Variants in PRB4 observed in about 807,000 individuals in gnomAD.
PRB4 encodes basic salivary proline-rich protein 4.
In PRB4, 14 loss-of-function variants were observed where a neutral mutation model predicts 9.1. The observed-to-expected ratio is 1.54, with a 90% CI of 1.02 to 2.41. PRB4 has a LOEUF of 2.41. Ranked by LOEUF, PRB4 falls within the 30% of genes most tolerant of loss-of-function variation. The pLI is 0.00. For synonymous variants in PRB4, 102 were observed against 108.5 expected, an observed-to-expected ratio of 0.94 and a Z score of 0.37; for missense variants, 381 against 299.3, an observed-to-expected ratio of 1.27 and a Z score of -2.02.
intron 3 of PRB4, among the ~76,000 whole-genome samples, chr12:11,307,547 AT>A (rs1384293404): frequency 2.0e-5 from 3 of 152,210 alleles, no homozygotes; most frequent in African/African-American, 7.2e-5. Flanking sequence ...AAAAAAATGT[AT>A]TTTTTAAATG....
chr12:11,309,305 A>C (rs1592189883), intron 2 of PRB4, 65 bp downstream of exon 2: 8 of 1,612,252 alleles, frequency 5.0e-6, no homozygotes, highest in Non-Finnish European at 6.8e-6. Context: ...AAGACACTGG[A>C]GAAATGATCC....
chr12:11,309,981 C>T (rs1486771135), intron 1 of PRB4, among the ~76,000 whole-genome samples: 1 of 152,192 alleles, frequency 6.6e-6, no homozygotes, highest in Admixed American at 6.5e-5. Context: ...GTCTGTACAG[C>T]AAGGCCACCA....
chr12:11,308,448 G>C lies in PRB4; in HGVS notation c.535C>G (p.Pro179Ala), dbSNP rs778492600. 6.2e-7 allele frequency: 1 copy of C among 1,613,948 alleles called. No individual in the cohort carries two copies. Among genetic ancestry groups the C allele is most frequent in the East Asian group, 2.2e-5 (1 of 44,852 alleles). ...EGNKSRSARS[P>A]PGKPQGPPQQ... ...GGTGGTCCTTGTGGCTTTCCTGGAG[G>C]AGATCGGGCACTTCGGGACTTGTTT... The change falls in exon 3 of 4, where the codon CCT becomes GCT. Residue 179 changes from proline to alanine, a missense_variant. Physicochemically the swap from Pro to Ala is conservative, Grantham distance 27. Transcript: ENST00000279575.
At chr12:11,308,994 T>G in intron 2 of PRB4, 112 bp from the exon 3 acceptor site, 2 of 1,484,282 alleles carry the variant, frequency 1.3e-6, no homozygotes, top group South Asian at 2.3e-5. Flanking sequence ...CTAATTTCTT[T>G]GCATTTTCAG....
chr12:11,310,379 G>A lies in PRB4; in HGVS notation c.20C>T (p.Ser7Leu). The change falls in exon 1 of 4, where the codon TCA (serine) becomes TTA (leucine). Residue 7 changes from serine to leucine, a missense_variant. Physicochemically the swap from Ser to Leu is moderately radical, Grantham distance 145. Transcript: ENST00000279575. Reference protein sequence around the residue: MLLILLSVALLALSSAE... With the variant: MLLILLLVALLALSSAE... ...TGAGCTCAGGGCCAGCAGGGCCACT[G>A]ACAGCAGAATCAGCAGCATCTCGCT... 1.9e-6 allele frequency: 3 copies of A among 1,614,248 alleles called. No individual in the cohort carries two copies. Among genetic ancestry groups the A allele is most frequent in the Non-Finnish European group, 1.7e-6 (2 of 1,180,040 alleles).
At chr12:11,307,713 C>T (rs2136606241) in intron 3 of PRB4, among the ~76,000 whole-genome samples, 1 of 152,148 alleles carries the variant, frequency 6.6e-6, no homozygotes, top group South Asian at 2.1e-4. Context: ...ATGTGTTATG[C>T]CTTTAAAATT....
rs533994526 is a variant in PRB4 at position 11,308,972 on chromosome 12, G to A, written c.101-90C>T. On this transcript the variant is annotated intron_variant, in intron 2 of 3. Coordinates refer to ENST00000279575, the MANE Select transcript of PRB4 (RefSeq NM_002723.6). ...GCTAAATGGGGAAATGCACAAAAATGAGACCCAGATACTAATTTCTTTGCA... is the reference window on the plus strand; with the variant it reads ...GCTAAATGGGGAAATGCACAAAAATAAGACCCAGATACTAATTTCTTTGCA... The A allele has an allele frequency of 4.6e-4, 709 of 1,541,130 alleles. 1 individual carries two copies. The highest frequency in any genetic ancestry group is 5.8e-4 in the Non-Finnish European group (641 of 1,114,522).
chr12:11,308,196 G>A, intron 3 of PRB4, 25 bp downstream of exon 3: 2 of 1,590,094 alleles, frequency 1.3e-6, no homozygotes, highest in Non-Finnish European at 1.7e-6. Flanking sequence ...TTAGAGTCCT[G>A]ATGAATAATA....
In PRB4 at chr12:11,308,387, G is replaced by C. The variant is rs1398322084; in HGVS notation, c.596C>G (p.Pro199Arg). The change falls in exon 3 of 4, where the codon CCT becomes CGT. Residue 199 changes from proline (P) to arginine (R), a missense_variant. Pro to Arg is a moderately radical substitution (Grantham distance 103). Coordinates refer to ENST00000279575, the MANE Select transcript of PRB4 (RefSeq NM_002723.6). Reference protein sequence around the residue: ...QEGNKPQGPPPPGKPQGPPPA... With the variant: ...QEGNKPQGPPRPGKPQGPPPA... ...GGGTGGGCCTTGTGGCTTTCCAGGA[G>C]GTGGGGGACCTTGAGGCTTGTTGCC... 1 of 1,603,560 alleles carries C rather than the reference G, an allele frequency of 6.2e-7. No individual in the cohort carries two copies.
chr12:11,309,445 C>T, intron 1 of PRB4, 40 bp from the exon 2 acceptor site: 3 of 1,613,988 alleles, frequency 1.9e-6, no homozygotes, highest in Non-Finnish European at 2.5e-6. Flanking sequence ...TGTTACATCT[C>T]AAATCTTCAA....
intron 1 of PRB4, 127 bp downstream of exon 1, chr12:11,310,208 T>C: frequency 8.4e-7 from 1 of 1,185,570 alleles, no homozygotes; most frequent in Non-Finnish European, 1.3e-6. Context: ...ACAACAGGTC[T>C]CCTGATCCTA....
Position 11,307,703 on chromosome 12 carries a change from A to G in PRB4, c.*19-504T>C, listed in dbSNP as rs1331285968. On this transcript the variant is annotated intron_variant, in intron 3 of 3. Transcript: ENST00000279575. The stretch of plus-strand genomic sequence containing the variant: ...TTTTGAAGGAAGGAAGGTGGGTAGG[A>G]TGTGTTATGCCTTTAAAATTAGCTT... Among the ~76,000 whole-genome samples the G allele has an allele frequency of 1.4e-4, 21 of 152,304 alleles. 1 individual carries two copies. The highest frequency in any genetic ancestry group is 1.0e-3 in the South Asian group (5 of 4,812).
Position 11,307,738 on chromosome 12 carries a change from C to G in PRB4, c.*18+483G>C, listed in dbSNP as rs575872410. ...CCTTTAAAATTAGCTTCATATTTTT[C>G]CATTCCATTAGATATTTTTTGTTAG... On this transcript the variant is annotated intron_variant, in intron 3 of 3. Coordinates refer to ENST00000279575, the MANE Select transcript of PRB4 (RefSeq NM_002723.6). 9.2e-5 allele frequency among the ~76,000 whole-genome samples: 14 copies of G among 152,256 alleles called. 1 individual carries two copies. The highest frequency in any genetic ancestry group is 7.8e-4 in the Admixed American group (12 of 15,298).
intron 2 of PRB4, 124 bp downstream of exon 2, chr12:11,309,246 A>T: frequency 6.6e-7 from 1 of 1,513,150 alleles, no homozygotes; most frequent in Non-Finnish European, 9.1e-7. Flanking sequence ...TGCCTATATC[A>T]TTAGGGGCAA....
chr12:11,309,477 G>A (rs1863004134), intron 1 of PRB4, 72 bp from the exon 2 acceptor site: 2 of 1,613,100 alleles, frequency 1.2e-6, no homozygotes, highest in Admixed American at 3.3e-5. Context: ...GTTCTACAGG[G>A]AAAATTGTCT....
chr12:11,309,030 A>G, intron 2 of PRB4, 148 bp from the exon 3 acceptor site: 1 of 1,219,492 alleles, frequency 8.2e-7, no homozygotes, highest in Non-Finnish European at 1.2e-6. Context: ...CTGGAGTGGA[A>G]CGCTGGGGGA....
chr12:11,310,256 C>A (rs981047400), intron 1 of PRB4, 79 bp downstream of exon 1: 1 of 1,572,596 alleles, frequency 6.4e-7, no homozygotes, highest in Admixed American at 1.7e-5. Context: ...TGTTTTCATT[C>A]TCCTCTCTTC....
intron 1 of PRB4, among the ~76,000 whole-genome samples, chr12:11,309,761 C>T (rs1863009752): frequency 6.6e-6 from 1 of 152,170 alleles, no homozygotes; most frequent in South Asian, 2.1e-4. Flanking sequence ...CACATGTTTT[C>T]TCAATAGGGG....
rs772659229 is a variant in PRB4, at chr12:11,308,416, T to C, written c.567A>G (p.Gln189=). The C allele has an allele frequency of 3.1e-5, 50 of 1,613,522 alleles. No individual in the cohort carries two copies. Among genetic ancestry groups the C allele is most frequent in the Non-Finnish European group, 4.2e-5 (49 of 1,179,778 alleles). Residue 189 remains glutamine (Q), a synonymous_variant, in exon 3 of 4, where the codon CAA becomes CAG. Coordinates refer to ENST00000279575, the MANE Select transcript of PRB4 (RefSeq NM_002723.6). ...PPGKPQGPPQ[Q]EGNKPQGPPP... is the part of the protein sequence containing the mutation. ...GGGGACCTTGAGGCTTGTTGCCTTC[T>C]TGTTGGGGTGGTCCTTGTGGCTTTC...
Sources: allele counts gnomAD v4.1 joint callset (sites outside exome capture counted in the v4.1 genomes callset), GRCh38; gene constraint gnomAD v4.1.1; transcripts MANE v1.5; gene names NCBI Gene and HGNC (gene_info 2026-07-23, HGNC 2026-07-21).